Variants in PARD3B observed in about 807,000 individuals in gnomAD.
PARD3B encodes the protein par-3 family cell polarity regulator beta.
A neutral mutation model predicts 130.2 loss-of-function variants in PARD3B; 103 were observed. The ratio of observed to expected loss-of-function variants is 0.79; its 90% confidence interval spans 0.67 to 0.93. The LOEUF is 0.93. Ranked by LOEUF, PARD3B falls within the 40% of genes least tolerant of loss-of-function variation. The pLI is 0.00. For synonymous variants in PARD3B, 583 were observed against 553.2 expected (o/e 1.05, Z -0.76); for missense variants, 1,609 against 1,499.2 (o/e 1.07, Z -1.21).
chr2:205,357,552 A>G (rs1189983502), intron 18 of PARD3B, among the ~76,000 whole-genome samples: 3 of 152,226 alleles, frequency 2.0e-5, no homozygotes, highest in Non-Finnish European at 4.4e-5. Context: ...CCAGAGAAAA[A>G]GAAAAATACC....
intron 4 of PARD3B, 168 bp downstream of exon 4, chr2:205,047,858 G>C (rs1378350890): frequency 8.0e-6 from 4 of 498,044 alleles, no homozygotes; most frequent in Admixed American, 7.4e-5. Context: ...CTTGTATATA[G>C]TTATAGCGAT....
At chr2:205,559,393 G>T (rs2053040993) in intron 22 of PARD3B, among the ~76,000 whole-genome samples, 1 of 151,970 alleles carries the variant, frequency 6.6e-6, no homozygotes, top group Admixed American at 6.6e-5. Flanking sequence ...CAATCAGCTT[G>T]CCTCAGCCTC....
At chr2:205,345,094 G>A (rs1257831113) in intron 18 of PARD3B, among the ~76,000 whole-genome samples, 1 of 152,178 alleles carries the variant, frequency 6.6e-6, no homozygotes, top group Non-Finnish European at 1.5e-5. Context: ...CCATTTGCAA[G>A]GTTCATGGTT....
chr2:204,763,470 A>G (rs1181324951), intron 2 of PARD3B, among the ~76,000 whole-genome samples: 2 of 152,234 alleles, frequency 1.3e-5, no homozygotes, highest in Non-Finnish European at 2.9e-5. Context: ...AAAATTCTTC[A>G]AAATATAGGA....
Position 205,158,123 on chromosome 2 carries a change from G to C in PARD3B, c.1435-599G>C, listed in dbSNP as rs111342532. Among the ~76,000 whole-genome samples, 346 of 152,318 alleles carry C rather than the reference G, an allele frequency of 2.3e-3. 7 individuals carry two copies. The East Asian group carries it at 0.031, about 14-fold the overall frequency. On this transcript the variant is annotated intron_variant, in intron 10 of 22. Transcript: ENST00000406610. This position sits in a 1 kb window ranked among gnomAD's most constrained non-coding sequence, Gnocchi z 5.4. The stretch of plus-strand genomic sequence containing the variant: ...GGCTGAAAGCATGAGTTTTGACAAA[G>C]TGAAATTTCATTTGATGATATCCAT...
At chr2:205,387,268 T>A (rs2045694151) in intron 18 of PARD3B, among the ~76,000 whole-genome samples, 1 of 152,200 alleles carries the variant, frequency 6.6e-6, no homozygotes. Context: ...TTCATGAATC[T>A]TCTGATTTGG....
At chr2:205,318,252 C>T (rs900910981) in intron 18 of PARD3B, among the ~76,000 whole-genome samples, 4 of 152,058 alleles carry the variant, frequency 2.6e-5, no homozygotes, top group African/African-American at 9.7e-5. Flanking sequence ...CTTTATGCCT[C>T]CTGGAATTTT....
intron 15 of PARD3B, among the ~76,000 whole-genome samples, chr2:205,224,251 G>C (rs1250023405): frequency 1.4e-5 from 2 of 140,378 alleles, no homozygotes; most frequent in Non-Finnish European, 3.1e-5. Flanking sequence ...GGTGCCTGTA[G>C]TCCCAGCTAC....
intron 4 of PARD3B, among the ~76,000 whole-genome samples, chr2:205,088,428 G>T (rs1184705582): frequency 6.6e-6 from 1 of 152,080 alleles, no homozygotes; most frequent in Non-Finnish European, 1.5e-5. Context: ...AAATAATAGG[G>T]TAAAATGTGA....
rs757434083 is a variant in PARD3B at position 205,253,468 on chromosome 2, CAA to C, written c.2185+7648_2185+7649del. 1.8e-6 allele frequency: 1 copy of C among 559,966 alleles called. No individual in the cohort carries two copies. Among genetic ancestry groups the C allele is most frequent in the Non-Finnish European group, 3.6e-6 (1 of 276,670 alleles). The allele number at this position is 559,966 out of a possible 1,614,324, so 34.7% of individuals were successfully genotyped here. ...GTATGGATCACCTTGTGGATGGATG[CAA>C]AGAGACCAAACTTGGCGGGCACTGG... On this transcript the variant is annotated intron_variant, in intron 16 of 22. Transcript: ENST00000406610. This position sits in a 1 kb window ranked among gnomAD's most constrained non-coding sequence, Gnocchi z 4.4.
At chr2:205,094,454 CTCTA>C (rs1368109145) in intron 4 of PARD3B, among the ~76,000 whole-genome samples, 3 of 152,110 alleles carry the variant, frequency 2.0e-5, no homozygotes, top group Admixed American at 6.6e-5. Context: ...CAATGCGGTT[CTCTA>C]TCTAATAGTT....
At chr2:205,084,412 T>A (rs2125521353) in intron 4 of PARD3B, among the ~76,000 whole-genome samples, 1 of 152,178 alleles carries the variant, frequency 6.6e-6, no homozygotes, top group Admixed American at 6.5e-5. Context: ...TTCAGCTTAC[T>A]ACTTATTTGA....
At chr2:205,535,645 TGGAAGACATTATCCAGTA>T (rs1273563737) in intron 21 of PARD3B, among the ~76,000 whole-genome samples, 1 of 152,218 alleles carries the variant, frequency 6.6e-6, no homozygotes, top group Non-Finnish European at 1.5e-5. Context: ...AACAAGGTAT[TGGAAGACATTATCCAGTA>T]AAAGGTTTCT....
intron 4 of PARD3B, among the ~76,000 whole-genome samples, chr2:205,094,322 A>G (rs999163572): frequency 2.6e-5 from 4 of 152,182 alleles, no homozygotes; most frequent in African/African-American, 9.6e-5. Flanking sequence ...TGCACATGGC[A>G]AAGTCAGGAA....
rs1001201656 is a variant in PARD3B at position 205,281,685 on chromosome 2, G to A, written c.2186-18845G>A. On this transcript the variant is annotated intron_variant, in intron 16 of 22. Transcript: ENST00000406610. This position sits in a 1 kb window ranked among gnomAD's most constrained non-coding sequence, Gnocchi z 4.2. ...CTAAGACACTATATAACCTGCACTCGGAAGGCAGGCAACTGTTTTGTATCA... is the reference window on the plus strand; with the variant it reads ...CTAAGACACTATATAACCTGCACTCAGAAGGCAGGCAACTGTTTTGTATCA... 3.9e-5 allele frequency among the ~76,000 whole-genome samples: 6 copies of A among 152,130 alleles called. No homozygotes were observed. Among genetic ancestry groups the A allele is most frequent in the East Asian group, 3.8e-4 (2 of 5,202 alleles).
chr2:205,318,682 G>T (rs555677006), intron 18 of PARD3B, among the ~76,000 whole-genome samples: 1 of 151,986 alleles, frequency 6.6e-6, no homozygotes, highest in East Asian at 1.9e-4. Flanking sequence ...TGTTAAAAAC[G>T]AGCAAAGGTG....
At chr2:205,020,246 C>G (rs906180490) in intron 3 of PARD3B, among the ~76,000 whole-genome samples, 2 of 152,110 alleles carry the variant, frequency 1.3e-5, no homozygotes, top group Non-Finnish European at 2.9e-5. Flanking sequence ...ATGTTAACAT[C>G]CTTTTTATCC....
rs534082505 is a variant in PARD3B at position 204,887,658 on chromosome 2, T to C, written c.223-77494T>C. On this transcript the variant is annotated intron_variant, in intron 2 of 22. Transcript: ENST00000406610. The surrounding 1 kb of genome is among the most constrained non-coding windows in gnomAD (Gnocchi z 4.2). Reference sequence around the variant, plus strand: ...TTTAACAGTATTAACAGAGCACTATTCTATATGCAGCGCCATTTCATACCC... The same window carrying C: ...TTTAACAGTATTAACAGAGCACTATCCTATATGCAGCGCCATTTCATACCC... Among the ~76,000 whole-genome samples, 11 of 152,124 alleles carry C rather than the reference T, an allele frequency of 7.2e-5. 1 individual carries two copies. Among genetic ancestry groups the C allele is most frequent in the African/African-American group, 2.7e-4 (11 of 41,422 alleles).
At chr2:204,772,112 C>T (rs2041412997) in intron 2 of PARD3B, among the ~76,000 whole-genome samples, 1 of 151,954 alleles carries the variant, frequency 6.6e-6, no homozygotes, top group Non-Finnish European at 1.5e-5. Context: ...TAGGCAATTT[C>T]TAAATAAGCC....
Sources: gnomAD v4.1 joint callset for allele counts (sites outside exome capture counted in the v4.1 genomes callset) on GRCh38, gnomAD v4.1.1 for gene constraint, Gnocchi (gnomAD v3.1) non-coding constraint, MANE v1.5 for transcripts, NCBI Gene and HGNC (gene_info 2026-07-23, HGNC 2026-07-21) for gene names.